Variants in PDE4C observed in about 807,000 individuals in gnomAD.
PDE4C encodes the protein phosphodiesterase 4C.
Under a neutral mutation model 63.9 loss-of-function variants are expected in PDE4C, and 50 were observed. The observed-to-expected ratio is 0.78, with a 90% CI of 0.62 to 0.99. The LOEUF is 0.99. Ranked by LOEUF, PDE4C falls within the 50% of genes least tolerant of loss-of-function variation. The pLI is 0.00. For missense variants in PDE4C, 777 were observed against 899.1 expected (o/e 0.86, Z 1.74); for synonymous variants, 377 against 385.1 (o/e 0.98, Z 0.25).
At chr19:18,230,984 C>T (rs1204901690), upstream of PDE4C, among the ~76,000 whole-genome samples, 3 of 152,200 alleles carry the variant, frequency 2.0e-5, no homozygotes, top group Non-Finnish European at 4.4e-5. Flanking sequence ...AGCACATTCC[C>T]CCAACAGTTT....
chr19:18,245,062 C>CT (rs2148072090), intron 1 of PDE4C, among the ~76,000 whole-genome samples: 1 of 152,250 alleles, frequency 6.6e-6, no homozygotes, highest in East Asian at 1.9e-4. Flanking sequence ...GTCTCGATCT[C>CT]TTGACCTCAT....
At chr19:18,217,061 G>GT in intron 11 of PDE4C, 166 bp from the exon 12 acceptor site, 1 of 689,238 alleles carries the variant, frequency 1.5e-6, no homozygotes, top group Non-Finnish European at 2.3e-6. Context: ...TTCCCTGACT[G>GT]CAGGGCTAGG....
upstream of PDE4C, among the ~76,000 whole-genome samples, chr19:18,249,731 C>T (rs749815432): frequency 6.6e-6 from 1 of 152,086 alleles, no homozygotes; most frequent in Non-Finnish European, 1.5e-5. Context: ...TGCCACCACG[C>T]TCAGCTAATT....
chr19:18,222,874 A>T lies in PDE4C; in HGVS notation c.147-551T>A, dbSNP rs1309131167. Among the ~76,000 whole-genome samples, 3 of 150,138 alleles carry T rather than the reference A, an allele frequency of 2.0e-5. No homozygotes were observed. The East Asian group carries it at 5.9e-4, about 29-fold the overall frequency. On this transcript the variant is annotated intron_variant, in intron 1 of 14. Transcript: ENST00000262805. ...GCCCCAACACTCGGCTAATTTTAAA[A>T]TTTTTTGTAGAGACCAGGTCTCACT... is the stretch of plus-strand genomic sequence containing the variant.
In PDE4C at chr19:18,220,980, T is replaced by C; in HGVS notation, c.450-57A>G. 1.3e-6 allele frequency: 2 copies of C among 1,560,360 alleles called. No individual in the cohort carries two copies. The highest frequency in any genetic ancestry group is 2.3e-5 in the South Asian group (2 of 85,382). On this transcript the variant is annotated intron_variant, in intron 4 of 14. Coordinates refer to ENST00000262805, the Ensembl canonical transcript of PDE4C. This position sits in a 1 kb window ranked among gnomAD's most constrained non-coding sequence, Gnocchi z 5.1. ...CCGCCCATCTCGCCCCGCCCCCAAG[T>C]CCACCAGGCCCCGCCCCTCAAACCC...
At chr19:18,223,596 G>A (rs1471440689) in intron 1 of PDE4C, among the ~76,000 whole-genome samples, 2 of 151,978 alleles carry the variant, frequency 1.3e-5, no homozygotes, top group South Asian at 2.1e-4. Context: ...TGCCCGCCTC[G>A]GCCTACCAAA....
At chr19:18,226,605 CTTTTTT>C, upstream of PDE4C, 50 of 203,638 alleles carry the variant, frequency 2.5e-4, no homozygotes, top group Middle Eastern at 1.4e-3. Flanking sequence ...CTCTCTGCTC[CTTTTTT>C]TTTTTTTTTT....
At position 18,220,467 on chromosome 19, in the gene PDE4C, C is replaced by A; in HGVS notation, c.548G>T (p.Trp183Leu). The change falls in exon 6 of 15, where the codon TGG becomes TTG. Residue 183 changes from tryptophan (W) to leucine (L), a missense_variant. Transcript: ENST00000262805. The surrounding 1 kb of genome is among the most constrained non-coding windows in gnomAD (Gnocchi z 5.1). ...CAGCGTCTCCAACTGATCCAGGCACCAGTCCAGCTCGTCTAGCGTCTCCAA... is the reference window on the plus strand; with the variant it reads ...CAGCGTCTCCAACTGATCCAGGCACAAGTCCAGCTCGTCTAGCGTCTCCAA... 1 of 1,614,208 alleles carries A rather than the reference C, an allele frequency of 6.2e-7. No homozygotes were observed. The highest frequency in any genetic ancestry group is 8.5e-7 in the Non-Finnish European group (1 of 1,180,036).
At chr19:18,222,410 G>T in intron 1 of PDE4C, 87 bp from the exon 2 acceptor site, 1 of 1,231,970 alleles carries the variant, frequency 8.1e-7, no homozygotes. Context: ...CGTCCTCCCT[G>T]GGGCTGCTTG....
upstream of PDE4C, among the ~76,000 whole-genome samples, chr19:18,227,335 A>G (rs1968760524): frequency 6.6e-6 from 1 of 150,612 alleles, no homozygotes; most frequent in Non-Finnish European, 1.5e-5. Context: ...CCTCCACGCA[A>G]CTCCCCACGT....
rs376294667 is a variant in PDE4C at position 18,220,403 on chromosome 19, C to T, written c.612G>A (p.Lys204=). 2 of 1,614,044 alleles carry T rather than the reference C, an allele frequency of 1.2e-6. No individual in the cohort carries two copies. The highest frequency in any genetic ancestry group is 2.7e-5 in the African/African-American group (2 of 75,050). ...AGCTCAGCGATCTGCCCCACCTCAC[C>T]TTGTTGGAGGCCATCTCCCCCACCG... is the stretch of plus-strand genomic sequence containing the variant. Residue 204 remains lysine, a splice_region_variant and synonymous_variant, in exon 6 of 15, where the codon AAG becomes AAA. Coordinates refer to ENST00000262805, the Ensembl canonical transcript of PDE4C. This position sits in a 1 kb window ranked among gnomAD's most constrained non-coding sequence, Gnocchi z 5.1.
chr19:18,233,271 G>A, exon 1 of PDE4C: 1 of 1,532,036 alleles, frequency 6.5e-7, no homozygotes, highest in Non-Finnish European at 8.8e-7. Flanking sequence ...CTGCTCCCGG[G>A]TCCGGCCCAG....
chr19:18,243,440 T>G (rs1450281239), intron 1 of PDE4C, among the ~76,000 whole-genome samples: 3 of 152,126 alleles, frequency 2.0e-5, no homozygotes, highest in African/African-American at 7.2e-5. Context: ...GATTACTTGT[T>G]TTTCAGAAAG....
At chr19:18,251,716 G>A (rs187488653), upstream of PDE4C, among the ~76,000 whole-genome samples, 2,972 of 10,274 alleles carry the variant, frequency 0.29, 126 homozygotes, top group African/African-American at 0.43. Context: ...GCCTCCCAAA[G>A]TGCTGGGATT....
chr19:18,237,598 C>A (rs1339787341), upstream of PDE4C, among the ~76,000 whole-genome samples: 1 of 147,990 alleles, frequency 6.8e-6, no homozygotes, highest in African/African-American at 2.5e-5. Flanking sequence ...TCCAGCCAGG[C>A]CCAGTGGCTC....
chr19:18,252,286 G>C (rs560110100), upstream of PDE4C: 1 of 399,198 alleles, frequency 2.5e-6, no homozygotes, highest in African/African-American at 2.1e-5. Context: ...CTGGGGCTCG[G>C]CTGGATGGTA....
exon 12 of PDE4C, chr19:18,216,893 A>T (rs756166983): frequency 1.9e-6 from 3 of 1,610,168 alleles, no homozygotes; most frequent in East Asian, 2.2e-5. Context: ...GCCAGCTCTG[A>T]GTCTGTGAGG....
chr19:18,212,239 A>C (rs1410794777), intron 13 of PDE4C, among the ~76,000 whole-genome samples: 1 of 151,688 alleles, frequency 6.6e-6, no homozygotes, highest in Non-Finnish European at 1.5e-5. Flanking sequence ...GCTGGAGTGC[A>C]GTGGCAAGAT....
At chr19:18,216,881 G>A (rs781403967) in exon 12 of PDE4C, 1 of 1,612,886 alleles carries the variant, frequency 6.2e-7, no homozygotes, top group Non-Finnish European at 8.5e-7. Context: ...TTGTACATAA[G>A]CGCCAGCTCT....
Sources: gnomAD v4.1 joint callset for allele counts (sites outside exome capture counted in the v4.1 genomes callset) on GRCh38, gnomAD v4.1.1 for gene constraint, Gnocchi (gnomAD v3.1) non-coding constraint, MANE v1.5 for transcripts, NCBI Gene and HGNC (gene_info 2026-07-23, HGNC 2026-07-21) for gene names.